The following PPP1R14C variants were observed in gnomAD, a reference collection of about 807,000 sequenced individuals.
PPP1R14C encodes the protein protein phosphatase 1 regulatory inhibitor subunit 14C.
In PPP1R14C, 16 loss-of-function variants were observed where a neutral mutation model predicts 20.4. The ratio of observed to expected loss-of-function variants is 0.78; its 90% CI spans 0.53 to 1.19. The LOEUF is 1.19. Ranked by LOEUF, PPP1R14C falls within the 50% of genes most tolerant of loss-of-function variation. PPP1R14C has a pLI of 0.00. For synonymous variants in PPP1R14C, 91 were observed against 91.0 expected (o/e 1.00, Z 0.00); for missense variants, 211 against 220.1 (o/e 0.96, Z 0.26).
At chr6:150,147,715 G>A (rs1353247944) in intron 1 of PPP1R14C, among the ~76,000 whole-genome samples, 2 of 152,206 alleles carry the variant, frequency 1.3e-5, no homozygotes, top group African/African-American at 4.8e-5. Context: ...TGTACCTTGG[G>A]TACTTGCTGT....
chr6:150,243,221 G>A (rs1421842446), intron 3 of PPP1R14C, among the ~76,000 whole-genome samples: 2 of 149,000 alleles, frequency 1.3e-5, no homozygotes, highest in Non-Finnish European at 3.0e-5. Context: ...TGTCACCCAG[G>A]CCGGAGTGCA....
Position 150,174,175 on chromosome 6 carries a change from A to G in PPP1R14C, c.306+30677A>G, listed in dbSNP as rs972436890. Among the ~76,000 whole-genome samples the G allele has an allele frequency of 5.9e-5, 9 of 152,278 alleles. No homozygotes were observed. The East Asian group carries it at 1.7e-3, about 29-fold the overall frequency. On this transcript the variant is annotated intron_variant, in intron 1 of 3. Coordinates refer to ENST00000361131, the MANE Select transcript of PPP1R14C (RefSeq NM_030949.3). Reference sequence around the variant, plus strand: ...ACCTCACATACTTACCATTTTCTAAATTGTGAGAACACTTACTAACTTACC... The same window carrying G: ...ACCTCACATACTTACCATTTTCTAAGTTGTGAGAACACTTACTAACTTACC...
intron 3 of PPP1R14C, among the ~76,000 whole-genome samples, chr6:150,237,008 C>T (rs571666896): frequency 1.3e-5 from 2 of 152,206 alleles, no homozygotes; most frequent in South Asian, 4.1e-4. Context: ...TGACAGCTTC[C>T]TCAGAAGAAA....
At chr6:150,149,776 A>G (rs937065452) in intron 1 of PPP1R14C, among the ~76,000 whole-genome samples, 5 of 152,210 alleles carry the variant, frequency 3.3e-5, no homozygotes, top group African/African-American at 1.2e-4. Flanking sequence ...AAAGGGGTGA[A>G]GAAAACAAGG....
Position 150,214,808 on chromosome 6 carries a change from A to AGATGAAGG in PPP1R14C, c.373_374insTGAAGGGA (p.Arg125MetfsTer13). The AGATGAAGG allele has an allele frequency of 6.2e-7, 1 of 1,610,862 alleles. No individual in the cohort carries two copies. Among genetic ancestry groups the AGATGAAGG allele is most frequent in the Non-Finnish European group, 8.5e-7 (1 of 1,178,628 alleles). ...CTTCTTGATGCAGACAGTGATGAAG[A>AGATGAAGG]GAGAGCTTCAAAATTACAGGTAAGC... On this transcript the variant is annotated frameshift_variant, in exon 2 of 4. Transcript: ENST00000361131. LOFTEE classifies it high-confidence loss of function.
intron 1 of PPP1R14C, among the ~76,000 whole-genome samples, chr6:150,175,514 T>C (rs943928132): frequency 1.3e-5 from 2 of 152,258 alleles, no homozygotes; most frequent in African/African-American, 4.8e-5. Flanking sequence ...CTGCTCTTTA[T>C]GACTAGTTAG....
chr6:150,188,207 G>T (rs1345781551), intron 1 of PPP1R14C, among the ~76,000 whole-genome samples: 4 of 152,138 alleles, frequency 2.6e-5, no homozygotes, highest in African/African-American at 9.7e-5. Context: ...CTCTAATTTA[G>T]AACAGATTAG....
rs1449396859 is a variant in PPP1R14C, at chr6:150,143,114, G to A, written c.-79G>A. 21 of 1,163,160 alleles carry A rather than the reference G, an allele frequency of 1.8e-5. No individual in the cohort carries two copies. Among genetic ancestry groups the A allele is most frequent in the South Asian group, 4.2e-5 (1 of 23,554 alleles). 72.1% of individuals were successfully genotyped at this position (1,163,160 alleles called of 1,614,324 possible). A position where few individuals can be genotyped will look rare whatever the true frequency, so the allele number is the denominator to read the frequency against. ...GGGAGCCCTTCGCATGCGGCTGCCG[G>A]GCCGGAGGTGGTAGCGGCGCCGGGC... On this transcript the variant is annotated 5_prime_UTR_variant, in exon 1 of 4. Transcript: ENST00000361131. The surrounding 1 kb of genome is among the most constrained non-coding windows in gnomAD (Gnocchi z 5.6).
chr6:150,194,580 G>T (rs1582912106), intron 1 of PPP1R14C: 2 of 978,324 alleles, frequency 2.0e-6, no homozygotes, highest in East Asian at 1.1e-4. Flanking sequence ...ATGCAAAAAT[G>T]ATTAAATAGT....
At chr6:150,149,463 T>C (rs1480901633) in intron 1 of PPP1R14C, among the ~76,000 whole-genome samples, 2 of 102,500 alleles carry the variant, frequency 2.0e-5, no homozygotes, top group African/African-American at 3.7e-5. Context: ...TTCTTTTTTT[T>C]TTTTTTTTTT....
At chr6:150,177,643 A>C (rs1189889884) in intron 1 of PPP1R14C, among the ~76,000 whole-genome samples, 1 of 152,186 alleles carries the variant, frequency 6.6e-6, no homozygotes, top group African/African-American at 2.4e-5. Context: ...ATACATGAGC[A>C]GCTCTGAGTC....
chr6:150,228,680 C>T (rs1411948537), intron 3 of PPP1R14C, among the ~76,000 whole-genome samples: 1 of 152,116 alleles, frequency 6.6e-6, no homozygotes, highest in East Asian at 1.9e-4. Flanking sequence ...TATCTTGGCA[C>T]CGTACCCCAA....
intron 1 of PPP1R14C, among the ~76,000 whole-genome samples, chr6:150,206,018 C>T (rs1777945719): frequency 6.6e-6 from 1 of 152,038 alleles, no homozygotes; most frequent in African/African-American, 2.4e-5. Context: ...AAGTCAGAGG[C>T]TTTACAGGGG....
chr6:150,221,590 C>T (rs1778167732), intron 3 of PPP1R14C, among the ~76,000 whole-genome samples: 1 of 151,972 alleles, frequency 6.6e-6, no homozygotes. Flanking sequence ...TTTTATAATC[C>T]CTCATTGCAG....
intron 3 of PPP1R14C, among the ~76,000 whole-genome samples, chr6:150,234,123 C>T (rs1390824538): frequency 6.6e-6 from 1 of 152,114 alleles, no homozygotes; most frequent in Non-Finnish European, 1.5e-5. Context: ...AACCAATGTT[C>T]TTGGAGGCCC....
intron 1 of PPP1R14C, among the ~76,000 whole-genome samples, chr6:150,144,113 T>C (rs1582890980): frequency 6.6e-6 from 1 of 152,230 alleles, no homozygotes; most frequent in East Asian, 1.9e-4. Context: ...GCTGCACACG[T>C]TGTGCTTTGT....
intron 1 of PPP1R14C, among the ~76,000 whole-genome samples, chr6:150,181,875 T>G (rs929118674): frequency 6.6e-5 from 10 of 152,224 alleles, no homozygotes; most frequent in African/African-American, 2.2e-4. Context: ...GCTTCTCAAA[T>G]TTGCCTTGAA....
chr6:150,233,381 C>T (rs1294177746), intron 3 of PPP1R14C, among the ~76,000 whole-genome samples: 11 of 152,134 alleles, frequency 7.2e-5, no homozygotes, highest in East Asian at 3.8e-4. Context: ...TTGATATACA[C>T]GAGAGTTAAG....
chr6:150,182,473 G>A (rs1411959516), intron 1 of PPP1R14C, among the ~76,000 whole-genome samples: 1 of 152,128 alleles, frequency 6.6e-6, no homozygotes, highest in African/African-American at 2.4e-5. Flanking sequence ...GAAAGATAGA[G>A]ATCATCCATT....
Sources: gnomAD v4.1 joint callset for allele counts (sites outside exome capture counted in the v4.1 genomes callset) on GRCh38, gnomAD v4.1.1 for gene constraint, Gnocchi (gnomAD v3.1) non-coding constraint, MANE v1.5 for transcripts, NCBI Gene and HGNC (gene_info 2026-07-23, HGNC 2026-07-21) for gene names.